The following AKAP13 variants were observed in gnomAD, a reference collection of about 807,000 sequenced individuals.
AKAP13 encodes the protein A-kinase anchoring protein 13, also known as A-kinase anchor protein 13.
A neutral mutation model predicts 264.5 loss-of-function variants in AKAP13; 80 were observed. That is an observed-to-expected ratio of 0.30 (90% CI 0.25 to 0.36). The LOEUF (loss-of-function observed/expected upper bound fraction) is 0.36, where lower values mean the gene tolerates loss of function less well. AKAP13 is among the 10% of genes least tolerant of loss of function. The pLI is 1.00. For synonymous variants in AKAP13, 1,380 were observed against 1,250.2 expected, an observed-to-expected ratio of 1.10 and a Z score of -2.19; for missense variants, 3,712 against 3,435.2, an observed-to-expected ratio of 1.08 and a Z score of -2.01.
At chr15:85,672,800 A>G (rs2151574021) in intron 14 of AKAP13, among the ~76,000 whole-genome samples, 1 of 152,350 alleles carries the variant, frequency 6.6e-6, no homozygotes, top group East Asian at 1.9e-4. Context: ...TAATGAGCAC[A>G]TGCTGTCATT....
At chr15:85,620,590 T>C (rs1395927538) in intron 8 of AKAP13, among the ~76,000 whole-genome samples, 2 of 152,126 alleles carry the variant, frequency 1.3e-5, no homozygotes, top group African/African-American at 4.8e-5. Context: ...AGTATTTCTG[T>C]CTTTTGTCTG....
chr15:85,670,875 G>A (rs182083885), intron 14 of AKAP13: 19 of 152,260 alleles, frequency 1.2e-4, no homozygotes, highest in African/African-American at 4.3e-4. Context: ...CATAAGCGCA[G>A]GGCCTTGTGA....
In AKAP13 at chr15:85,527,130, G is replaced by T. The variant is rs891539371; in HGVS notation, c.181+5555G>T. Among the ~76,000 whole-genome samples the T allele has an allele frequency of 6.1e-4, 93 of 151,774 alleles. 1 individual carries two copies. The highest frequency in any genetic ancestry group is 2.4e-4 in the Non-Finnish European group (16 of 67,726). ...GGCGCCCGCCACCACGCCCGGCTAA[G>T]TTTTTGTGTTTTTTAGTAGAGACGG... On this transcript the variant is annotated intron_variant, in intron 3 of 36. Coordinates refer to ENST00000394518, the MANE Select transcript of AKAP13 (RefSeq NM_007200.5).
At chr15:85,631,041 C>G (rs548496279) in intron 8 of AKAP13, among the ~76,000 whole-genome samples, 1 of 151,628 alleles carries the variant, frequency 6.6e-6, no homozygotes, top group Admixed American at 6.6e-5. Flanking sequence ...TCAACTGATG[C>G]ATATAGATAA....
chr15:85,710,826 A>G (rs527326851), intron 19 of AKAP13, among the ~76,000 whole-genome samples, 181 bp downstream of exon 19: 21 of 152,268 alleles, frequency 1.4e-4, no homozygotes, highest in Non-Finnish European at 2.8e-4. Flanking sequence ...TTATACCATC[A>G]AACCCTCTTG....
At chr15:85,501,330 A>G (rs1385867549) in intron 2 of AKAP13, among the ~76,000 whole-genome samples, 1 of 152,114 alleles carries the variant, frequency 6.6e-6, no homozygotes, top group Admixed American at 6.5e-5. Context: ...GCCACCATAT[A>G]CTCGTGATTA....
chr15:85,428,141 C>T (rs1432499169), intron 1 of AKAP13, among the ~76,000 whole-genome samples: 1 of 152,146 alleles, frequency 6.6e-6, no homozygotes, highest in Non-Finnish European at 1.5e-5. Context: ...GCTTTTCCTC[C>T]TGTATAAAGA....
chr15:85,543,478 A>G (rs890573168), intron 4 of AKAP13, among the ~76,000 whole-genome samples: 5 of 152,220 alleles, frequency 3.3e-5, no homozygotes, highest in African/African-American at 1.2e-4. Flanking sequence ...TTGGTTGAAC[A>G]AACACTGTGT....
At chr15:85,620,987 G>A (rs1275636659) in intron 8 of AKAP13, among the ~76,000 whole-genome samples, 1 of 152,158 alleles carries the variant, frequency 6.6e-6, no homozygotes, top group African/African-American at 2.4e-5. Context: ...GGGGAAATTG[G>A]AAGTCAACCA....
At chr15:85,446,095 A>G (rs547048018) in intron 1 of AKAP13, among the ~76,000 whole-genome samples, 1 of 152,332 alleles carries the variant, frequency 6.6e-6, no homozygotes, top group East Asian at 1.9e-4. Context: ...CAGGAAATAA[A>G]GGTATAGATA....
At chr15:85,510,353 G>T (rs1033840331) in intron 2 of AKAP13, among the ~76,000 whole-genome samples, 1 of 152,120 alleles carries the variant, frequency 6.6e-6, no homozygotes, top group African/African-American at 2.4e-5. Flanking sequence ...TGTACCTAGA[G>T]AAGTCAGTAT....
intron 17 of AKAP13, among the ~76,000 whole-genome samples, chr15:85,694,752 C>G (rs1054835388): frequency 4.1e-4 from 63 of 152,258 alleles, no homozygotes; most frequent in Admixed American, 3.8e-3. Context: ...GAGTTCCAGC[C>G]AGTCCAGGGC....
intron 17 of AKAP13, among the ~76,000 whole-genome samples, chr15:85,695,065 GTATTAGGCA>G (rs992719054): frequency 6.6e-6 from 1 of 152,018 alleles, no homozygotes; most frequent in African/African-American, 2.4e-5. Flanking sequence ...TGAGTAGCTG[GTATTAGGCA>G]TGCACCACTG....
chr15:85,585,974 G>A, intron 8 of AKAP13, 151 bp downstream of exon 8: 2 of 1,043,498 alleles, frequency 1.9e-6, no homozygotes, highest in Non-Finnish European at 2.7e-6. Flanking sequence ...ATGTGTTTAT[G>A]TTGCTGCAGC....
At position 85,438,148 on chromosome 15, in the gene AKAP13, T is replaced by G. The variant is rs562058685; in HGVS notation, c.-11-47562T>G. 4.1e-5 allele frequency among the ~76,000 whole-genome samples: 6 copies of G among 146,496 alleles called. No individual in the cohort carries two copies. The East Asian group carries it at 9.8e-4, about 24-fold the overall frequency. ...AGGATACAAAATCAATGTACAAAAA[T>G]CACAAGCATTCTCATACACCAACAA... On this transcript the variant is annotated intron_variant, in intron 1 of 36. Coordinates refer to ENST00000394518, the MANE Select transcript of AKAP13 (RefSeq NM_007200.5).
At position 85,581,044 on chromosome 15, in the gene AKAP13, G is replaced by A. The variant is rs772405516; in HGVS notation, c.2976G>A (p.Lys992=). 11 of 1,613,822 alleles carry A rather than the reference G, an allele frequency of 6.8e-6. No individual in the cohort carries two copies. Among genetic ancestry groups the A allele is most frequent in the Non-Finnish European group, 8.5e-6 (10 of 1,179,920 alleles). ...CGGGTGCATCCTCTGCCTTTCTTAA[G>A]GCAGAAACTGAACATAACAAGGAAG... is the stretch of plus-strand genomic sequence containing the variant. The part of the protein sequence containing the change: ...NSPGASSAFL[K]AETEHNKEVA... The change falls in exon 7 of 37, where the codon AAG becomes AAA. Residue 992 remains lysine, a synonymous_variant. Coordinates refer to ENST00000394518, the MANE Select transcript of AKAP13 (RefSeq NM_007200.5).
At chr15:85,593,068 G>C (rs1310644565) in intron 8 of AKAP13, among the ~76,000 whole-genome samples, 1 of 152,108 alleles carries the variant, frequency 6.6e-6, no homozygotes, top group African/African-American at 2.4e-5. Context: ...CCAGCACTTC[G>C]GGAGGCTGAG....
chr15:85,628,280 C>G (rs1354429212), intron 8 of AKAP13, among the ~76,000 whole-genome samples: 1 of 152,154 alleles, frequency 6.6e-6, no homozygotes. Context: ...ACCTTCTTGT[C>G]TATTGCTGTA....
chr15:85,451,189 C>T (rs557133274), intron 1 of AKAP13, among the ~76,000 whole-genome samples: 1 of 151,602 alleles, frequency 6.6e-6, no homozygotes, highest in Non-Finnish European at 1.5e-5. Flanking sequence ...TTTTGTGTTT[C>T]CCATTGCTTG....
Sources: gnomAD v4.1 joint callset for allele counts (sites outside exome capture counted in the v4.1 genomes callset) on GRCh38, gnomAD v4.1.1 for gene constraint, MANE v1.5 for transcripts, NCBI Gene and HGNC (gene_info 2026-07-23, HGNC 2026-07-21) for gene names.